LTN1: variants seen among roughly 807,000 people sequenced by gnomAD.
LTN1 encodes listerin E3 ubiquitin protein ligase 1.
A neutral mutation model predicts 201.2 loss-of-function variants in LTN1; 88 were observed. That is an observed-to-expected ratio of 0.44 (90% CI 0.37 to 0.52). The LOEUF is 0.52. LTN1 is among the 20% of genes least tolerant of loss of function. The pLI is 0.00. For synonymous variants in LTN1, 645 were observed against 713.5 expected (o/e 0.90, Z 1.53); for missense variants, 1,752 against 2,038.7 (o/e 0.86, Z 2.71).
chr21:28,934,797 T>G (rs1045120203), intron 27 of LTN1, among the ~76,000 whole-genome samples: 2 of 152,174 alleles, frequency 1.3e-5, no homozygotes, highest in Non-Finnish European at 2.9e-5. Flanking sequence ...TTCAGGCATT[T>G]ATAGCAATCT....
At chr21:28,988,157 CAACAAAAAAAAA>C (rs796241130) in intron 1 of LTN1, among the ~76,000 whole-genome samples, 4 of 96,596 alleles carry the variant, frequency 4.1e-5, no homozygotes, top group Admixed American at 4.1e-4. Context: ...AAAAAAAAAA[CAACAAAAAAAAA>C]CAAATTGCTC....
At position 28,967,167 on chromosome 21, in the gene LTN1, TAA is replaced by T. The variant is rs769108567; in HGVS notation, c.1322_1323del (p.Phe441TyrfsTer2). The T allele has an allele frequency of 6.2e-7, 1 of 1,606,508 alleles. No homozygotes were observed. The highest frequency in any genetic ancestry group is 8.5e-7 in the Non-Finnish European group (1 of 1,177,240). ...CCTGGGTCTTTGAGAACTGCATCAA[TAA>T]AAGGGATCAACTGAAAGAAAAGGTA... ...QMLVNDQLIP[F>X]IDAVLKDPGL... On this transcript the variant is annotated frameshift_variant, in exon 10 of 30. Coordinates refer to ENST00000361371, the MANE Select transcript of LTN1 (RefSeq NM_015565.3). LOFTEE classifies it high-confidence loss of function.
chr21:28,956,773 A>G lies in LTN1; in HGVS notation c.3068T>C (p.Leu1023Pro). ...TCATATATACTTACTTATTTTCTCA[A>G]GCTCATTATTTTCTAAGACTGTTTC... ...RKETVLENNE[L>P]EKIIAELLYS... The change falls in exon 16 of 30, where the codon CTT (leucine) becomes CCT (proline). Residue 1023 changes from leucine (L) to proline (P), a missense_variant. Leu to Pro is a moderately conservative substitution (Grantham distance 98). Around this residue, in one of 3 missense-constraint regions of LTN1, gnomAD observed 1,211 missense variants for 1,312.8 expected, o/e 0.92. Coordinates refer to ENST00000361371, the MANE Select transcript of LTN1 (RefSeq NM_015565.3). The G allele has an allele frequency of 1.3e-6, 2 of 1,586,276 alleles. No homozygotes were observed.
intron 11 of LTN1, 136 bp downstream of exon 11, chr21:28,965,729 A>C (rs1299653805): frequency 1.6e-5 from 9 of 563,568 alleles, no homozygotes; most frequent in Non-Finnish European, 2.5e-5. Flanking sequence ...ATAGGAAGAA[A>C]GTTACAATAA....
intron 1 of LTN1, among the ~76,000 whole-genome samples, chr21:28,988,799 C>G (rs1254413417): frequency 2.6e-5 from 4 of 151,726 alleles, no homozygotes. Flanking sequence ...AACGCCGTCT[C>G]TACTAAAAAT....
intron 24 of LTN1, among the ~76,000 whole-genome samples, chr21:28,942,018 C>G (rs1395326843): frequency 6.6e-6 from 1 of 152,146 alleles, no homozygotes; most frequent in Non-Finnish European, 1.5e-5. Flanking sequence ...TTTATACTTT[C>G]AGGTGAACTT....
intron 15 of LTN1, 26 bp downstream of exon 15, chr21:28,957,306 T>C: frequency 6.4e-7 from 1 of 1,560,340 alleles, no homozygotes; most frequent in South Asian, 1.2e-5. Flanking sequence ...CAGAATGAGA[T>C]ATGTACTCTT....
At chr21:28,979,495 T>C (rs1327458533) in intron 6 of LTN1, among the ~76,000 whole-genome samples, 1 of 152,178 alleles carries the variant, frequency 6.6e-6, no homozygotes, top group Non-Finnish European at 1.5e-5. Context: ...TACAGGAACA[T>C]GATGGATCTC....
intron 26 of LTN1, among the ~76,000 whole-genome samples, chr21:28,936,169 T>C (rs1406470355): frequency 6.6e-6 from 1 of 152,188 alleles, no homozygotes; most frequent in Non-Finnish European, 1.5e-5. Flanking sequence ...ACCAGATACA[T>C]GCATATCTGT....
intron 16 of LTN1, among the ~76,000 whole-genome samples, chr21:28,956,436 C>A (rs2084426284): frequency 2.0e-5 from 3 of 152,068 alleles, no homozygotes; most frequent in South Asian, 4.1e-4. Context: ...AATTCTGAAT[C>A]CTTGATAAAA....
intron 19 of LTN1, among the ~76,000 whole-genome samples, 176 bp from the exon 20 acceptor site, chr21:28,946,463 G>A (rs918041055): frequency 3.9e-5 from 6 of 152,280 alleles, no homozygotes; most frequent in African/African-American, 1.4e-4. Context: ...AAAGGGCAGA[G>A]ACCCTGTCTC....
At chr21:28,991,517 GA>G (rs900574778) in intron 1 of LTN1, among the ~76,000 whole-genome samples, 1 of 152,114 alleles carries the variant, frequency 6.6e-6, no homozygotes, top group Non-Finnish European at 1.5e-5. Context: ...TATAAGTTCA[GA>G]AAAATACATA....
chr21:28,965,522 T>C (rs758454255), intron 11 of LTN1, among the ~76,000 whole-genome samples: 26 of 152,178 alleles, frequency 1.7e-4, no homozygotes, highest in Non-Finnish European at 2.1e-4. Flanking sequence ...AATCCATTTC[T>C]GCAGTAGAAA....
chr21:28,972,621 C>T (rs977450329), intron 6 of LTN1, among the ~76,000 whole-genome samples: 11 of 151,980 alleles, frequency 7.2e-5, no homozygotes, highest in Non-Finnish European at 1.3e-4. Context: ...AAATTATCCG[C>T]AAAGCATCAT....
At chr21:28,953,428 T>C in intron 16 of LTN1, 52 bp from the exon 17 acceptor site, 4 of 1,309,104 alleles carry the variant, frequency 3.1e-6, no homozygotes, top group Non-Finnish European at 4.2e-6. Context: ...GAACAAACCC[T>C]TCAATTACTT....
At chr21:28,971,612 A>C (rs1476591716) in intron 6 of LTN1, among the ~76,000 whole-genome samples, 168 bp from the exon 7 acceptor site, 1 of 152,252 alleles carries the variant, frequency 6.6e-6, no homozygotes, top group Non-Finnish European at 1.5e-5. Flanking sequence ...GAAAAGGCAT[A>C]AGGAATTACC....
At chr21:28,982,212 G>A in intron 5 of LTN1, 104 bp downstream of exon 5, 1 of 973,106 alleles carries the variant, frequency 1.0e-6, no homozygotes. Flanking sequence ...GTGAGACTCT[G>A]TCTCAAAAAA....
intron 25 of LTN1, among the ~76,000 whole-genome samples, chr21:28,939,756 G>T (rs1052351558): frequency 3.3e-5 from 5 of 152,264 alleles, no homozygotes; most frequent in Middle Eastern, 3.4e-3. Flanking sequence ...ATACACAAAT[G>T]CCTCAATCTG....
At chr21:28,979,889 T>C (rs1269819559) in intron 6 of LTN1, among the ~76,000 whole-genome samples, 1 of 152,062 alleles carries the variant, frequency 6.6e-6, no homozygotes, top group Non-Finnish European at 1.5e-5. Context: ...GGAGAATCAC[T>C]CAAACCCAGG....
Sources: gnomAD v4.1 joint callset for allele counts (sites outside exome capture counted in the v4.1 genomes callset) on GRCh38, gnomAD v4.1.1 for gene constraint, gnomAD v4.1.1 regional missense constraint, MANE v1.5 for transcripts, NCBI Gene and HGNC (gene_info 2026-07-23, HGNC 2026-07-21) for gene names.